Variants in PRRX2 observed in about 807,000 individuals in gnomAD.
PRRX2 encodes the protein paired related homeobox 2, also known as paired mesoderm homeobox protein 2.
PRRX2 carries 11 observed loss-of-function variants against 18.0 expected under a neutral mutation model. The ratio of observed to expected loss-of-function variants is 0.61; its 90% CI spans 0.39 to 1.01. The LOEUF (loss-of-function observed/expected upper bound fraction) is 1.01, where lower values mean the gene tolerates loss of function less well. Among genes scored for constraint, PRRX2 ranks in the 50% least tolerant of loss-of-function variants. The probability of loss-of-function intolerance (pLI) is 0.01; values close to 1 mark genes in which losing one functional copy is unlikely to be tolerated. For missense variants in PRRX2, 387 were observed against 351.0 expected (o/e 1.10, Z -0.82); for synonymous variants, 177 against 154.8 (o/e 1.14, Z -1.06).
chr9:129,721,826 C>T (rs546267620), intron 3 of PRRX2, among the ~76,000 whole-genome samples: 2 of 152,270 alleles, frequency 1.3e-5, no homozygotes, highest in African/African-American at 4.8e-5. Flanking sequence ...GGTGATCCGT[C>T]CACTTCGGCC....
intron 1 of PRRX2, among the ~76,000 whole-genome samples, chr9:129,691,642 A>C (rs117405779): frequency 6.6e-6 from 1 of 151,670 alleles, no homozygotes; most frequent in African/African-American, 2.4e-5. Context: ...GCCAGTTGTG[A>C]AATTTATTTT....
Position 129,671,139 on chromosome 9 carries a change from G to A in PRRX2, c.259+5013G>A, listed in dbSNP as rs552280237. ...TGGGCGTGTCTCCCTGGGATGTGGG[G>A]TCTCTGAGCCTGGGTCTGAGCTGGG... On this transcript the variant is annotated intron_variant, in intron 1 of 3. Coordinates refer to ENST00000372469, the MANE Select transcript of PRRX2 (RefSeq NM_016307.4). The surrounding 1 kb of genome is among the most constrained non-coding windows in gnomAD (Gnocchi z 4.0). Among the ~76,000 whole-genome samples, 9 of 152,310 alleles carry A rather than the reference G, an allele frequency of 5.9e-5. No homozygotes were observed. The highest frequency in any genetic ancestry group is 2.2e-4 in the African/African-American group (9 of 41,564).
chr9:129,679,824 C>T (rs762939458), intron 1 of PRRX2, among the ~76,000 whole-genome samples: 47 of 152,168 alleles, frequency 3.1e-4, no homozygotes, highest in Admixed American at 6.5e-4. Context: ...AAATGTAGAG[C>T]CAGCTCCAGA....
At chr9:129,712,489 C>T (rs1019476286) in intron 1 of PRRX2, among the ~76,000 whole-genome samples, 1 of 152,150 alleles carries the variant, frequency 6.6e-6, no homozygotes, top group Admixed American at 6.6e-5. Context: ...AACACTTGAT[C>T]ATTTGGCTGA....
At chr9:129,703,851 G>A (rs1007503599) in intron 1 of PRRX2, among the ~76,000 whole-genome samples, 1 of 152,194 alleles carries the variant, frequency 6.6e-6, no homozygotes, top group Non-Finnish European at 1.5e-5. Context: ...AACCTCCAGC[G>A]ATGTTTAAAG....
At chr9:129,673,972 A>G (rs531291256) in intron 1 of PRRX2, among the ~76,000 whole-genome samples, 1 of 152,212 alleles carries the variant, frequency 6.6e-6, no homozygotes, top group South Asian at 2.1e-4. Context: ...GACGTGGGGC[A>G]GGGGGGCAGG....
intron 1 of PRRX2, among the ~76,000 whole-genome samples, chr9:129,673,671 C>G (rs1832127375): frequency 6.6e-6 from 1 of 152,000 alleles, no homozygotes; most frequent in African/African-American, 2.4e-5. Context: ...CACACACACA[C>G]ACACACAGGC....
At chr9:129,702,704 G>A (rs1056738666) in intron 1 of PRRX2, among the ~76,000 whole-genome samples, 1 of 152,230 alleles carries the variant, frequency 6.6e-6, no homozygotes, top group South Asian at 2.1e-4. Context: ...CTGAACTTGC[G>A]GGTGAGGGAG....
At chr9:129,691,146 G>A (rs1259872265) in intron 1 of PRRX2, among the ~76,000 whole-genome samples, 1 of 140,846 alleles carries the variant, frequency 7.1e-6, no homozygotes, top group African/African-American at 2.8e-5. Flanking sequence ...ACAACATGGT[G>A]AAACCCTGTC....
chr9:129,702,181 A>T (rs1832506774), intron 1 of PRRX2, among the ~76,000 whole-genome samples: 1 of 152,042 alleles, frequency 6.6e-6, no homozygotes, highest in African/African-American at 2.4e-5. Flanking sequence ...GTGGATCACG[A>T]GGTCAGGAGA....
At chr9:129,685,482 A>G (rs896236117) in intron 1 of PRRX2, among the ~76,000 whole-genome samples, 5 of 152,076 alleles carry the variant, frequency 3.3e-5, no homozygotes, top group African/African-American at 1.2e-4. Flanking sequence ...CTCCCACCTC[A>G]GCCTCCTGAG....
At chr9:129,704,909 A>G (rs1360399762) in intron 1 of PRRX2, among the ~76,000 whole-genome samples, 1 of 152,060 alleles carries the variant, frequency 6.6e-6, no homozygotes, top group African/African-American at 2.4e-5. Flanking sequence ...GGAGAGAAAA[A>G]CCCACCTTGG....
intron 1 of PRRX2, among the ~76,000 whole-genome samples, chr9:129,681,026 C>G (rs1819546410): frequency 6.6e-6 from 1 of 152,252 alleles, no homozygotes; most frequent in South Asian, 2.1e-4. Flanking sequence ...CTGACACGTT[C>G]AGATTTGCAG....
At chr9:129,685,022 C>G (rs1263989806) in intron 1 of PRRX2, among the ~76,000 whole-genome samples, 3 of 152,198 alleles carry the variant, frequency 2.0e-5, no homozygotes, top group African/African-American at 7.2e-5. Context: ...CATCTTGTCC[C>G]CTCTACCAGG....
chr9:129,689,176 C>T (rs1286755800), intron 1 of PRRX2, among the ~76,000 whole-genome samples: 1 of 152,150 alleles, frequency 6.6e-6, no homozygotes. Context: ...CCTTCTCCAC[C>T]CCTAAGCTCT....
At chr9:129,712,758 C>T (rs1184728215) in intron 1 of PRRX2, 1 of 152,160 alleles carries the variant, frequency 6.6e-6, no homozygotes, top group East Asian at 1.9e-4. Context: ...TGCTTTGTTT[C>T]AGTCTCAGGG....
chr9:129,680,416 AGAAAAG>A (rs1170486993), intron 1 of PRRX2, among the ~76,000 whole-genome samples: 2 of 121,270 alleles, frequency 1.6e-5, no homozygotes, highest in African/African-American at 3.4e-5. Context: ...AAAAAAAAAA[AGAAAAG>A]AAAAGAAAAG....
chr9:129,706,424 G>A (rs764408376), intron 1 of PRRX2, among the ~76,000 whole-genome samples: 8 of 152,168 alleles, frequency 5.3e-5, no homozygotes, highest in African/African-American at 9.7e-5. Flanking sequence ...GTTAACAGAC[G>A]TGGTGGCATG....
At chr9:129,693,740 C>A (rs1435433221) in intron 1 of PRRX2, among the ~76,000 whole-genome samples, 1 of 152,214 alleles carries the variant, frequency 6.6e-6, no homozygotes, top group Admixed American at 6.5e-5. Flanking sequence ...ATTTTTCCTG[C>A]CACCACCAAG....
Sources: gnomAD v4.1 joint callset for allele counts (sites outside exome capture counted in the v4.1 genomes callset) on GRCh38, gnomAD v4.1.1 for gene constraint, Gnocchi (gnomAD v3.1) non-coding constraint, MANE v1.5 for transcripts, NCBI Gene and HGNC (gene_info 2026-07-23, HGNC 2026-07-21) for gene names.